C9orf152: variants seen among roughly 807,000 people sequenced by gnomAD.
C9orf152 encodes the protein uncharacterized protein C9orf152.
A neutral mutation model predicts 8.5 loss-of-function variants in C9orf152; 8 were observed. The observed-to-expected ratio is 0.94, with a 90% confidence interval of 0.55 to 1.70. C9orf152 has a LOEUF of 1.70. C9orf152 is among the 40% of genes most tolerant of loss of function. The pLI is 0.00. For synonymous variants in C9orf152, 109 were observed against 113.0 expected, an observed-to-expected ratio of 0.96 and a Z score of 0.22; for missense variants, 293 against 286.2, an observed-to-expected ratio of 1.02 and a Z score of -0.17.
At chr9:110,204,886 C>A (rs1233577666) in intron 1 of C9orf152, among the ~76,000 whole-genome samples, 4 of 152,208 alleles carry the variant, frequency 2.6e-5, no homozygotes, top group Non-Finnish European at 5.9e-5. Context: ...TTGGGACTGA[C>A]TGACTTCACT....
chr9:110,200,909 G>A lies in C9orf152; in HGVS notation c.*39C>T, dbSNP rs1384494972. The stretch of plus-strand genomic sequence containing the variant: ...CCTTGGTTCTTCTATAAGGCCATAG[G>A]TGGCCTCAAGGTCAAGACATCTGGC... On this transcript the variant is annotated 3_prime_UTR_variant, in exon 2 of 2. Transcript: ENST00000400613. 3 of 1,548,882 alleles carry A rather than the reference G, an allele frequency of 1.9e-6. No homozygotes were observed. Among genetic ancestry groups the A allele is most frequent in the African/African-American group, 2.8e-5 (2 of 72,726 alleles).
intron 1 of C9orf152, among the ~76,000 whole-genome samples, chr9:110,207,073 C>A (rs2118506816): frequency 6.6e-6 from 1 of 152,328 alleles, no homozygotes; most frequent in South Asian, 2.1e-4. Context: ...TTAGACCCAG[C>A]CAGGAAGCAG....
chr9:110,202,475 A>T (rs1837234593), intron 1 of C9orf152, among the ~76,000 whole-genome samples: 1 of 152,220 alleles, frequency 6.6e-6, no homozygotes, highest in Non-Finnish European at 1.5e-5. Flanking sequence ...ACCAATCATT[A>T]TCCTTCTCCT....
chr9:110,206,195 A>T (rs1837272651), intron 1 of C9orf152, among the ~76,000 whole-genome samples: 1 of 152,160 alleles, frequency 6.6e-6, no homozygotes, highest in South Asian at 2.1e-4. Flanking sequence ...GCACCTAGTA[A>T]TGATGGGAAA....
At chr9:110,206,875 T>TC (rs2118506485) in intron 1 of C9orf152, among the ~76,000 whole-genome samples, 1 of 152,324 alleles carries the variant, frequency 6.6e-6, no homozygotes, top group African/African-American at 2.4e-5. Flanking sequence ...AGGAGGTTTC[T>TC]CCCCATGAGG....
Position 110,201,124 on chromosome 9 carries a change from C to G in C9orf152, c.544G>C (p.Val182Leu), listed in dbSNP as rs768697667. Reference sequence around the variant, plus strand: ...ACTGCCTTTGTTTGGGTATTGCCCACCTGGCATGGAAGCTGGGCAGCCTCT... The same window carrying G: ...ACTGCCTTTGTTTGGGTATTGCCCAGCTGGCATGGAAGCTGGGCAGCCTCT... The part of the protein sequence containing the change: ...IPEAAQLPCQ[V>L]GNTQTKAVES... The change falls in exon 2 of 2, where the codon GTG (valine) becomes CTG (leucine). Residue 182 changes from valine to leucine, a missense_variant. Transcript: ENST00000400613. The G allele has an allele frequency of 2.5e-5, 41 of 1,614,086 alleles. No homozygotes were observed. The highest frequency in any genetic ancestry group is 1.3e-4 in the Admixed American group (8 of 60,006).
At chr9:110,203,101 G>A (rs891701943) in intron 1 of C9orf152, among the ~76,000 whole-genome samples, 3 of 137,886 alleles carry the variant, frequency 2.2e-5, no homozygotes, top group African/African-American at 8.2e-5. Flanking sequence ...TGCAACCTCC[G>A]CCCTCTGCAT....
chr9:110,201,542 T>A, intron 1 of C9orf152, 68 bp from the exon 2 acceptor site: 1 of 1,332,860 alleles, frequency 7.5e-7, no homozygotes, highest in Non-Finnish European at 1.0e-6. Flanking sequence ...TTAGGGGGTC[T>A]CATTGCTTTC....
rs1199515522 is a variant in C9orf152, at chr9:110,201,090, C to G, written c.578G>C (p.Gly193Ala). Residue 193 changes from glycine to alanine, a missense_variant, in exon 2 of 2, where the codon GGC becomes GCC. Physicochemically the swap from Gly to Ala is moderately conservative, Grantham distance 60. Coordinates refer to ENST00000400613, the MANE Select transcript of C9orf152 (RefSeq NM_001012993.3). The stretch of plus-strand genomic sequence containing the variant: ...AGGACATTGAGTGCTGAATTTTAAG[C>G]CAGATTCCACTGCCTTTGTTTGGGT... The part of the protein sequence containing the change: ...GNTQTKAVES[G>A]LKFSTQCPLS... 1 of 1,614,196 alleles carries G rather than the reference C, an allele frequency of 6.2e-7. No individual in the cohort carries two copies. The highest frequency in any genetic ancestry group is 8.5e-7 in the Non-Finnish European group (1 of 1,180,042).
chr9:110,205,780 AG>A (rs1837267354), intron 1 of C9orf152, among the ~76,000 whole-genome samples: 1 of 152,204 alleles, frequency 6.6e-6, no homozygotes, highest in African/African-American at 2.4e-5. Flanking sequence ...TGTGGAACTC[AG>A]CCAAGTATGG....
rs1837207154 is a variant in C9orf152, at chr9:110,200,847, C to G, written c.*101G>C. On this transcript the variant is annotated 3_prime_UTR_variant, in exon 2 of 2. Coordinates refer to ENST00000400613, the MANE Select transcript of C9orf152 (RefSeq NM_001012993.3). ...TTCCTATAATTAGGTTAGTCCAGTT[C>G]TTGCTCATAGCTAGAGACCTCGTTG... The G allele has an allele frequency of 1.7e-6, 2 of 1,181,628 alleles. No homozygotes were observed. The highest frequency in any genetic ancestry group is 3.0e-5 in the South Asian group (2 of 66,362). The allele number at this position is 1,181,628 out of a possible 1,614,324, so 73.2% of individuals were successfully genotyped here.
In C9orf152 at chr9:110,207,645, G is replaced by C; in HGVS notation, c.-66C>G. 7.9e-7 allele frequency: 1 copy of C among 1,271,702 alleles called. No individual in the cohort carries two copies. Among genetic ancestry groups the C allele is most frequent in the Non-Finnish European group, 1.1e-6 (1 of 944,756 alleles). The allele number at this position is 1,271,702 out of a possible 1,614,324, so 78.8% of individuals were successfully genotyped here. A position where few individuals can be genotyped will look rare whatever the true frequency, so the allele number is the denominator to read the frequency against. ...GACCTGGGGAGGGGAGAGAGAGGGA[G>C]GGGGCAGTGAGGGAGAAGGAGAAGT... On this transcript the variant is annotated 5_prime_UTR_variant, in exon 1 of 2. Coordinates refer to ENST00000400613, the MANE Select transcript of C9orf152 (RefSeq NM_001012993.3).
At chr9:110,203,286 G>A (rs1240179806) in intron 1 of C9orf152, among the ~76,000 whole-genome samples, 1 of 152,124 alleles carries the variant, frequency 6.6e-6, no homozygotes, top group Non-Finnish European at 1.5e-5. Flanking sequence ...GCCTCCCAAA[G>A]TGCTTGGATT....
chr9:110,207,045 T>C (rs540248870), intron 1 of C9orf152, among the ~76,000 whole-genome samples: 101 of 152,266 alleles, frequency 6.6e-4, no homozygotes, highest in African/African-American at 2.3e-3. Context: ...TTTCTCTGGT[T>C]TGTAGGAGGT....
In C9orf152 at chr9:110,201,595, C is replaced by T. The variant is rs147640924; in HGVS notation, c.194-121G>A. 690 of 658,322 alleles carry T rather than the reference C, an allele frequency of 1.0e-3. 8 individuals carry two copies. In the African/African-American group the frequency reaches 0.012, roughly 11 times the overall value. The allele number at this position is 658,322 out of a possible 1,614,324, so 40.8% of individuals were successfully genotyped here. Reference sequence around the variant, plus strand: ...TCCCCAGAAGGTTCCTGGTACATTTCATGTGTGTACATGTGTACACACACA... The same window carrying T: ...TCCCCAGAAGGTTCCTGGTACATTTTATGTGTGTACATGTGTACACACACA... On this transcript the variant is annotated intron_variant, in intron 1 of 1. Transcript: ENST00000400613.
intron 1 of C9orf152, among the ~76,000 whole-genome samples, chr9:110,205,485 A>C (rs547128762): frequency 4.6e-5 from 7 of 152,218 alleles, no homozygotes; most frequent in Non-Finnish European, 1.0e-4. Context: ...ACTTAGATAC[A>C]TGTGACATAC....
In C9orf152 at chr9:110,200,144, A is replaced by T. The variant is rs546445301; in HGVS notation, c.*804T>A. On this transcript the variant is annotated 3_prime_UTR_variant, in exon 2 of 2. Coordinates refer to ENST00000400613, the MANE Select transcript of C9orf152 (RefSeq NM_001012993.3). Reference sequence around the variant, plus strand: ...AAAGATAGGCAGGAAGGCAGGAAAGAAGGCAAGAAGGAAGAGAGGAAAGAA... The same window carrying T: ...AAAGATAGGCAGGAAGGCAGGAAAGTAGGCAAGAAGGAAGAGAGGAAAGAA... 6.7e-6 allele frequency: 1 copy of T among 148,808 alleles called. No individual in the cohort carries two copies. The highest frequency in any genetic ancestry group is 2.4e-5 in the African/African-American group (1 of 40,896). The allele number at this position is 148,808 out of a possible 1,614,324, so 9.2% of individuals were successfully genotyped here.
Position 110,207,614 on chromosome 9 carries a change from G to GGAGGGGAGGCAGCCCCA in C9orf152, c.-36_-35insTGGGGCTGCCTCCCCTC. 2 of 1,522,120 alleles carry GGAGGGGAGGCAGCCCCA rather than the reference G, an allele frequency of 1.3e-6. No homozygotes were observed. Among genetic ancestry groups the GGAGGGGAGGCAGCCCCA allele is most frequent in the Non-Finnish European group, 1.8e-6 (2 of 1,136,544 alleles). The allele number at this position is 1,522,120 out of a possible 1,614,324, so 94.3% of individuals were successfully genotyped here. On this transcript the variant is annotated 5_prime_UTR_variant, in exon 1 of 2. Transcript: ENST00000400613. ...GGAGAAAAGCAAACACAGCTGGGTG[G>GGAGGGGAGGCAGCCCCA]GGCAGGACCTGGGGAGGGGAGAGAG...
chr9:110,203,796 G>A (rs2118501984), intron 1 of C9orf152, among the ~76,000 whole-genome samples: 1 of 152,318 alleles, frequency 6.6e-6, no homozygotes, highest in South Asian at 2.1e-4. Context: ...GATACAAGTT[G>A]GAGAAGGGGT....
Sources: allele counts gnomAD v4.1 joint callset (sites outside exome capture counted in the v4.1 genomes callset), GRCh38; gene constraint gnomAD v4.1.1; transcripts MANE v1.5; gene names NCBI Gene and HGNC (gene_info 2026-07-23, HGNC 2026-07-21).